The following DLG2 variants were observed in gnomAD, a reference collection of about 807,000 sequenced individuals.
DLG2 encodes discs large MAGUK scaffold protein 2, also known as disks large homolog 2.
A neutral mutation model predicts 132.5 loss-of-function variants in DLG2; 45 were observed. That is an observed-to-expected ratio of 0.34 (90% confidence interval 0.27 to 0.44). The LOEUF (loss-of-function observed/expected upper bound fraction) is 0.44, where lower values mean the gene tolerates loss of function less well. Among genes scored for constraint, DLG2 ranks in the 20% least tolerant of loss-of-function variants. The probability of loss-of-function intolerance (pLI) is 1.00; values close to 1 mark genes in which losing one functional copy is unlikely to be tolerated. For missense variants in DLG2, 1,045 were observed against 1,196.9 expected (o/e 0.87, Z 1.87); for synonymous variants, 424 against 419.6 (o/e 1.01, Z -0.13).
chr11:83,562,866 C>A (rs563386331), intron 19 of DLG2, among the ~76,000 whole-genome samples: 1 of 151,642 alleles, frequency 6.6e-6, no homozygotes, highest in Admixed American at 6.6e-5. Context: ...ATTTCTTGAG[C>A]GCCTTACCAA....
At chr11:85,607,258 C>T (rs2080635110) in intron 2 of DLG2, among the ~76,000 whole-genome samples, 1 of 152,162 alleles carries the variant, frequency 6.6e-6, no homozygotes, top group Non-Finnish European at 1.5e-5. Flanking sequence ...TCTAACAAAC[C>T]CCGACTCTTC....
At chr11:83,796,890 T>C (rs1301085161) in intron 17 of DLG2, among the ~76,000 whole-genome samples, 2 of 152,208 alleles carry the variant, frequency 1.3e-5, no homozygotes, top group Non-Finnish European at 2.9e-5. Context: ...GATTAAATGC[T>C]GGGCGGTAAG....
At chr11:85,368,073 C>T (rs2084689041) in intron 3 of DLG2, among the ~76,000 whole-genome samples, 1 of 152,084 alleles carries the variant, frequency 6.6e-6, no homozygotes, top group African/African-American at 2.4e-5. Context: ...TGAGACTTAC[C>T]TATCTTTGAA....
At chr11:83,739,648 A>G (rs2153714759) in intron 18 of DLG2, among the ~76,000 whole-genome samples, 1 of 152,316 alleles carries the variant, frequency 6.6e-6, no homozygotes, top group African/African-American at 2.4e-5. Context: ...AACCAAAATG[A>G]GATTTCCCAG....
intron 3 of DLG2, among the ~76,000 whole-genome samples, chr11:85,532,066 T>A (rs1483621701): frequency 6.6e-6 from 1 of 152,098 alleles, no homozygotes; most frequent in Non-Finnish European, 1.5e-5. Flanking sequence ...TTTAATACAT[T>A]TAGGTATAGT....
intron 6 of DLG2, among the ~76,000 whole-genome samples, chr11:84,556,822 C>T (rs974603665): frequency 3.3e-5 from 5 of 152,222 alleles, no homozygotes; most frequent in Non-Finnish European, 7.4e-5. Flanking sequence ...TGTAGTATTG[C>T]GTTTTCTGTT....
chr11:83,925,246 A>G (rs1290632429), intron 15 of DLG2, among the ~76,000 whole-genome samples: 2 of 152,142 alleles, frequency 1.3e-5, no homozygotes, highest in Admixed American at 6.6e-5. Flanking sequence ...GCCTAGCTGT[A>G]GCCCATCAGG....
At chr11:83,467,820 CAT>C (rs1307864097) in intron 25 of DLG2, among the ~76,000 whole-genome samples, 2 of 110,778 alleles carry the variant, frequency 1.8e-5, no homozygotes, top group African/African-American at 3.5e-5. Flanking sequence ...TACACACACA[CAT>C]ATAAAATATA....
intron 9 of DLG2, among the ~76,000 whole-genome samples, chr11:84,102,383 T>A (rs2154183425): frequency 6.6e-6 from 1 of 152,218 alleles, no homozygotes; most frequent in South Asian, 2.1e-4. Flanking sequence ...ACAAGCCTAC[T>A]GAGAATGTTT....
chr11:84,979,774 G>A (rs1440855451), intron 6 of DLG2, among the ~76,000 whole-genome samples: 2 of 151,838 alleles, frequency 1.3e-5, no homozygotes, highest in East Asian at 3.9e-4. Flanking sequence ...CCTGCATGTT[G>A]TGCACATGTA....
chr11:83,816,485 A>T (rs2048961401), intron 17 of DLG2, among the ~76,000 whole-genome samples: 1 of 151,948 alleles, frequency 6.6e-6, no homozygotes, highest in South Asian at 2.1e-4. Flanking sequence ...AATGCCTCTG[A>T]ACCTCAGTTT....
intron 16 of DLG2, among the ~76,000 whole-genome samples, chr11:83,862,658 C>G (rs2061640447): frequency 6.6e-6 from 1 of 151,544 alleles, no homozygotes; most frequent in Non-Finnish European, 1.5e-5. Context: ...GATACTCCCC[C>G]ACTCCAAAAA....
At chr11:84,152,682 G>A (rs747148552) in intron 9 of DLG2, among the ~76,000 whole-genome samples, 16 of 151,948 alleles carry the variant, frequency 1.1e-4, no homozygotes, top group Non-Finnish European at 1.9e-4. Flanking sequence ...CACCGCGCCC[G>A]GCCTCTTTTT....
At chr11:84,216,648 G>A (rs1370702894) in intron 8 of DLG2, among the ~76,000 whole-genome samples, 1 of 152,164 alleles carries the variant, frequency 6.6e-6, no homozygotes, top group Non-Finnish European at 1.5e-5. Flanking sequence ...TAAGAGTAAG[G>A]AGAATAAAAG....
At chr11:85,141,649 T>G (rs1177664021) in intron 5 of DLG2, among the ~76,000 whole-genome samples, 1 of 151,884 alleles carries the variant, frequency 6.6e-6, no homozygotes, top group Non-Finnish European at 1.5e-5. Context: ...TCCTAGAGAG[T>G]TTCTTCAGAG....
At chr11:84,936,109 G>A (rs554786156) in intron 6 of DLG2, among the ~76,000 whole-genome samples, 3 of 152,178 alleles carry the variant, frequency 2.0e-5, no homozygotes, top group East Asian at 1.9e-4. Context: ...GTAAATTAAC[G>A]GATGAATGAA....
intron 4 of DLG2, among the ~76,000 whole-genome samples, chr11:85,185,010 T>C (rs2079991002): frequency 1.3e-5 from 2 of 151,978 alleles, no homozygotes; most frequent in Non-Finnish European, 2.9e-5. Context: ...AACATTTGCT[T>C]ATTAAAACAT....
At chr11:83,734,687 G>A (rs1433519992) in intron 18 of DLG2, among the ~76,000 whole-genome samples, 1 of 152,124 alleles carries the variant, frequency 6.6e-6, no homozygotes, top group African/African-American at 2.4e-5. Context: ...ATGACCTCAT[G>A]TGATCTTCTT....
intron 3 of DLG2, among the ~76,000 whole-genome samples, chr11:85,541,836 G>A (rs186395634): frequency 2.6e-5 from 4 of 152,198 alleles, no homozygotes; most frequent in Admixed American, 1.3e-4. Context: ...TAGGCTTCCT[G>A]TTGAATTGCT....
Sources: gnomAD v4.1 joint callset for allele counts (sites outside exome capture counted in the v4.1 genomes callset) on GRCh38, gnomAD v4.1.1 for gene constraint, MANE v1.5 for transcripts, NCBI Gene and HGNC (gene_info 2026-07-23, HGNC 2026-07-21) for gene names.